Variants in SRGAP3 observed in about 807,000 individuals in gnomAD.
SRGAP3 encodes SLIT-ROBO Rho GTPase-activating protein 3.
In SRGAP3, 39 loss-of-function variants were observed where a neutral mutation model predicts 121.1. The ratio of observed to expected loss-of-function variants is 0.32; its 90% CI spans 0.25 to 0.42. The LOEUF (loss-of-function observed/expected upper bound fraction) is 0.42. Ranked by LOEUF, SRGAP3 falls within the 10% of genes least tolerant of loss-of-function variation. The pLI is 1.00. For synonymous variants in SRGAP3, 601 were observed against 570.0 expected (o/e 1.05, Z -0.77); for missense variants, 1,213 against 1,470.6 (o/e 0.82, Z 2.86).
Position 8,990,665 on chromosome 3 carries a change from C to A in SRGAP3, c.2733G>T (p.Lys911Asn). ...LTRGRIESPE[K>N]RRMATFGSAG... The stretch of plus-strand genomic sequence containing the variant: ...CGCTCCCGAACGTCGCCATCCTCCG[C>A]TTCTCAGGGCTCTCGATCCTCCCCC... The change falls in exon 21 of 22, where the codon AAG becomes AAT. Residue 911 changes from lysine (K) to asparagine (N), a missense_variant. Physicochemically the swap from Lys to Asn is moderately conservative, Grantham distance 94. This residue lies in a region of SRGAP3 where 420 missense variants were observed against 437.7 expected (regional missense o/e 0.96). Coordinates refer to ENST00000383836, the MANE Select transcript of SRGAP3 (RefSeq NM_014850.4). The A allele has an allele frequency of 6.2e-7, 1 of 1,613,734 alleles. No individual in the cohort carries two copies.
At chr3:9,311,835 A>G (rs1447499443) in intron 3 of SRGAP3, among the ~76,000 whole-genome samples, 1 of 152,164 alleles carries the variant, frequency 6.6e-6, no homozygotes, top group Non-Finnish European at 1.5e-5. Context: ...GCACTCATGC[A>G]TTGCCATTAC....
At chr3:9,139,842 T>C (rs973209224) in intron 1 of SRGAP3, among the ~76,000 whole-genome samples, 5 of 151,962 alleles carry the variant, frequency 3.3e-5, no homozygotes, top group African/African-American at 1.2e-4. Context: ...AAGGACAATG[T>C]GTTGTAGAGG....
chr3:9,118,694 C>A (rs1056320190), intron 2 of SRGAP3, among the ~76,000 whole-genome samples: 2 of 151,870 alleles, frequency 1.3e-5, no homozygotes, highest in Admixed American at 6.6e-5. Context: ...TTGCCAGGCC[C>A]CCCCCCCAAG....
intron 1 of SRGAP3, among the ~76,000 whole-genome samples, chr3:9,158,038 A>T (rs1010576808): frequency 6.6e-6 from 1 of 152,244 alleles, no homozygotes; most frequent in Non-Finnish European, 1.5e-5. Flanking sequence ...TATTATCAAG[A>T]AGTACTGCCC....
chr3:9,140,635 T>C (rs930578270), intron 1 of SRGAP3, among the ~76,000 whole-genome samples: 2 of 152,316 alleles, frequency 1.3e-5, no homozygotes, highest in Non-Finnish European at 2.9e-5. Flanking sequence ...ACCCTATCGT[T>C]ACCCAACAAG....
intron 1 of SRGAP3, among the ~76,000 whole-genome samples, chr3:9,179,339 T>C (rs928545057): frequency 8.5e-5 from 13 of 152,276 alleles, no homozygotes; most frequent in South Asian, 4.1e-4. Context: ...AGCCTGGCTC[T>C]GCCTCTTCCT....
At chr3:9,331,445 T>A (rs972592992) in intron 1 of SRGAP3, among the ~76,000 whole-genome samples, 1 of 152,112 alleles carries the variant, frequency 6.6e-6, no homozygotes, top group Non-Finnish European at 1.5e-5. Context: ...CATAAATACA[T>A]AAAGACTCAG....
chr3:9,017,590 T>C (rs1316108213), intron 14 of SRGAP3, among the ~76,000 whole-genome samples: 2 of 152,178 alleles, frequency 1.3e-5, no homozygotes, highest in Non-Finnish European at 2.9e-5. Flanking sequence ...GGCCAGGGTA[T>C]GGAGGATATT....
intron 7 of SRGAP3, among the ~76,000 whole-genome samples, chr3:9,056,996 C>T (rs1327051745): frequency 6.6e-6 from 1 of 152,210 alleles, no homozygotes; most frequent in Non-Finnish European, 1.5e-5. Context: ...ATTTTCCTGC[C>T]TCAGTCTCCC....
At chr3:9,016,004 C>T (rs1467151538) in intron 14 of SRGAP3, 10 of 484,956 alleles carry the variant, frequency 2.1e-5, no homozygotes, top group South Asian at 1.1e-4. Flanking sequence ...TTTGATTTCT[C>T]GCTCTTTCTG....
chr3:9,052,663 TA>T (rs1471820832), intron 9 of SRGAP3, among the ~76,000 whole-genome samples: 1 of 152,222 alleles, frequency 6.6e-6, no homozygotes, highest in Non-Finnish European at 1.5e-5. Context: ...CACCTAAATT[TA>T]AGACAATTCA....
chr3:8,997,116 C>T (rs1942454426), intron 18 of SRGAP3, among the ~76,000 whole-genome samples: 1 of 152,198 alleles, frequency 6.6e-6, no homozygotes, highest in Non-Finnish European at 1.5e-5. Flanking sequence ...GTAATAACAG[C>T]TCCCATTGAT....
rs151166890 is a variant in SRGAP3, at chr3:9,339,618, G to C, written n.215-9022C>G. Among the ~76,000 whole-genome samples, 985 of 152,346 alleles carry C rather than the reference G, an allele frequency of 6.5e-3. 11 individuals are homozygous for C. The highest frequency in any genetic ancestry group is 8.7e-3 in the Non-Finnish European group (592 of 68,034). ...CAGCATCGGCTGATTGTTTCCAGAA[G>C]GGGATGCAGATTAAGTGTTCTCCCA... On this transcript the variant is annotated intron_variant and non_coding_transcript_variant, in intron 1 of 3. Transcript: ENST00000490889.
intron 6 of SRGAP3, chr3:9,058,988 G>A (rs1323468036): frequency 5.9e-6 from 1 of 170,328 alleles, no homozygotes; most frequent in Non-Finnish European, 1.3e-5. Flanking sequence ...AAAGTGCTCA[G>A]ATTACAAGCG....
At chr3:9,023,329 T>G (rs1032702678) in intron 14 of SRGAP3, among the ~76,000 whole-genome samples, 7 of 152,240 alleles carry the variant, frequency 4.6e-5, no homozygotes, top group African/African-American at 1.4e-4. Flanking sequence ...TGGGTTGGAC[T>G]GTCCAGTGCT....
At chr3:9,054,897 T>C (rs147707212) in intron 8 of SRGAP3, among the ~76,000 whole-genome samples, 5 of 152,336 alleles carry the variant, frequency 3.3e-5, no homozygotes, top group East Asian at 1.9e-4. Context: ...TAACGCAGCA[T>C]GACAGGAAGC....
intron 3 of SRGAP3, among the ~76,000 whole-genome samples, chr3:9,101,934 A>C (rs369858038): frequency 3.9e-5 from 6 of 152,344 alleles, no homozygotes; most frequent in African/African-American, 1.4e-4. Context: ...ACTCCACTGC[A>C]AAAGGGGAAA....
intron 20 of SRGAP3, among the ~76,000 whole-genome samples, chr3:8,991,918 C>CG (rs1942077998): frequency 6.6e-6 from 1 of 151,994 alleles, no homozygotes; most frequent in African/African-American, 2.4e-5. Context: ...GAGGTGAGGG[C>CG]GGGGGACAAG....
At chr3:9,352,675 T>C (rs995814306) in intron 1 of SRGAP3, among the ~76,000 whole-genome samples, 3 of 152,202 alleles carry the variant, frequency 2.0e-5, no homozygotes, top group Non-Finnish European at 2.9e-5. Context: ...CTTTTAGCAA[T>C]GCATGTCTGT....
Sources: allele counts gnomAD v4.1 joint callset (sites outside exome capture counted in the v4.1 genomes callset), GRCh38; gene constraint gnomAD v4.1.1; regional missense constraint gnomAD v4.1.1; transcripts MANE v1.5; gene names NCBI Gene and HGNC (gene_info 2026-07-23, HGNC 2026-07-21).